The following ARMH1 variants were observed in gnomAD, a reference collection of about 807,000 sequenced individuals.
ARMH1 encodes the protein armadillo like helical domain containing 1, also known as armadillo-like helical domain containing protein 1.
ARMH1 carries 34 observed loss-of-function variants against 50.2 expected under a neutral mutation model. The observed-to-expected ratio is 0.68, with a 90% CI of 0.51 to 0.90. ARMH1 has a LOEUF of 0.90. Ranked by LOEUF, ARMH1 falls within the 40% of genes least tolerant of loss-of-function variation. ARMH1 has a pLI of 0.00. For missense variants in ARMH1, 538 were observed against 553.9 expected, an observed-to-expected ratio of 0.97 and a Z score of 0.29; for synonymous variants, 221 against 224.2, an observed-to-expected ratio of 0.99 and a Z score of 0.13.
At chr1:44,692,641 T>G (rs1645696243) in intron 2 of ARMH1, among the ~76,000 whole-genome samples, 1 of 152,160 alleles carries the variant, frequency 6.6e-6, no homozygotes, top group Non-Finnish European at 1.5e-5. Flanking sequence ...TTTAAGTTAT[T>G]GATAAAATTA....
At chr1:44,699,575 A>G (rs953947044) in intron 4 of ARMH1, among the ~76,000 whole-genome samples, 4 of 149,252 alleles carry the variant, frequency 2.7e-5, no homozygotes, top group African/African-American at 9.9e-5. Flanking sequence ...TTAGCCTCCC[A>G]AGTAGCTGGA....
rs1645308117 is a variant in ARMH1, at chr1:44,681,328, T to G, written c.-23+6455T>G. Among the ~76,000 whole-genome samples the G allele has an allele frequency of 6.6e-6, 1 of 151,968 alleles. No homozygotes were observed. Among genetic ancestry groups the G allele is most frequent in the Non-Finnish European group, 1.5e-5 (1 of 68,006 alleles). On this transcript the variant is annotated intron_variant, in intron 1 of 11. Coordinates refer to ENST00000535358, the MANE Select transcript of ARMH1 (RefSeq NM_001145636.2). This position sits in a 1 kb window ranked among gnomAD's most constrained non-coding sequence, Gnocchi z 4.3. ...CCATTTCTAAAAAATTTTTTTAAGTTAGCCAGGCATGGTGGTGCACACCCA... is the reference window on the plus strand; with the variant it reads ...CCATTTCTAAAAAATTTTTTTAAGTGAGCCAGGCATGGTGGTGCACACCCA...
chr1:44,685,714 A>C (rs1186104625), intron 1 of ARMH1, among the ~76,000 whole-genome samples: 1 of 150,258 alleles, frequency 6.7e-6, no homozygotes, highest in African/African-American at 2.5e-5. Context: ...TGCAACCTCC[A>C]CATCCTGGGT....
chr1:44,707,062 T>C (rs993059695), intron 6 of ARMH1, among the ~76,000 whole-genome samples: 5 of 152,032 alleles, frequency 3.3e-5, no homozygotes, highest in African/African-American at 1.2e-4. Flanking sequence ...ATGTCAGCCC[T>C]TCTTCCTTTG....
rs1456265275 is a variant in ARMH1 at position 44,697,090 on chromosome 1, C to G, written c.207-12C>G. 6.5e-7 allele frequency: 1 copy of G among 1,546,142 alleles called. No homozygotes were observed. The highest frequency in any genetic ancestry group is 2.0e-5 in the Admixed American group (1 of 50,984). On this transcript the variant is annotated splice_polypyrimidine_tract_variant and intron_variant, in intron 2 of 11. Transcript: ENST00000535358. ...AACCACCCTGAAACTCACTCTTTAA[C>G]GTGTCATACAGCTATATGACTGACT...
intron 4 of ARMH1, among the ~76,000 whole-genome samples, chr1:44,700,047 C>T (rs1156674218): frequency 6.6e-6 from 1 of 151,988 alleles, no homozygotes; most frequent in Non-Finnish European, 1.5e-5. Flanking sequence ...CCAGGCTGGT[C>T]TCGAACTCCT....
rs149235275 is a variant in ARMH1 at position 44,686,414 on chromosome 1, G to T, written c.-22-3262G>T. Among the ~76,000 whole-genome samples the T allele has an allele frequency of 9.8e-5, 15 of 152,290 alleles. No individual in the cohort carries two copies. In the East Asian group the frequency reaches 2.9e-3, roughly 29 times the overall value. The stretch of plus-strand genomic sequence containing the variant: ...TAACCTGCCGGGCACAGTGGCTCAC[G>T]CCTGTAATCCCAGCACTTTGGGAGG... On this transcript the variant is annotated intron_variant, in intron 1 of 11. Transcript: ENST00000535358.
At chr1:44,688,399 A>C (rs78505449) in intron 1 of ARMH1, 3 of 152,238 alleles carry the variant, frequency 2.0e-5, no homozygotes, top group African/African-American at 7.2e-5. Context: ...GGCCCCATCA[A>C]TATCTCAAAT....
chr1:44,696,356 C>T (rs1383852737), intron 2 of ARMH1, among the ~76,000 whole-genome samples: 1 of 152,184 alleles, frequency 6.6e-6, no homozygotes, highest in Non-Finnish European at 1.5e-5. Flanking sequence ...CTCAGTCATC[C>T]TCCATGAGCT....
intron 5 of ARMH1, 109 bp downstream of exon 5, chr1:44,701,228 C>T (rs1646068373): frequency 9.4e-7 from 1 of 1,063,422 alleles, no homozygotes; most frequent in Non-Finnish European, 1.3e-6. Flanking sequence ...CTCAGCCTCC[C>T]ACTGCATGTC....
At chr1:44,718,491 C>T (rs763565343) in intron 6 of ARMH1, among the ~76,000 whole-genome samples, 8 of 152,242 alleles carry the variant, frequency 5.3e-5, no homozygotes, top group Non-Finnish European at 1.0e-4. Context: ...CAGAGATGTC[C>T]GGTCTGCCAT....
At chr1:44,690,341 TA>T (rs60255533) in intron 2 of ARMH1, among the ~76,000 whole-genome samples, 4,807 of 149,912 alleles carry the variant, frequency 0.032, 257 homozygotes, top group African/African-American at 0.11. Flanking sequence ...AAAAAAGTGA[TA>T]AAAAAAAAAT....
chr1:44,724,404 G>A lies in ARMH1; in HGVS notation c.920+12G>A, dbSNP rs986773653. On this transcript the variant is annotated intron_variant, in intron 8 of 11. Transcript: ENST00000535358. The surrounding 1 kb of genome is among the most constrained non-coding windows in gnomAD (Gnocchi z 6.4). The stretch of plus-strand genomic sequence containing the variant: ...GCCAAGGCCATCGGGTAAGCGGGCA[G>A]GGGTTAGTGGGTAGCTGCAGCAAGC... 9 of 1,548,000 alleles carry A rather than the reference G, an allele frequency of 5.8e-6. No homozygotes were observed. Among genetic ancestry groups the A allele is most frequent in the African/African-American group, 1.4e-5 (1 of 73,110 alleles).
chr1:44,724,440 G>T lies in ARMH1; in HGVS notation c.920+48G>T. ...GTAGCTGCAGCAAGCCTGGCTTGGC[G>T]CTGCCGGCGGGCCCCGGGAGCGCTC... On this transcript the variant is annotated intron_variant, in intron 8 of 11. Coordinates refer to ENST00000535358, the MANE Select transcript of ARMH1 (RefSeq NM_001145636.2). The surrounding 1 kb of genome is among the most constrained non-coding windows in gnomAD (Gnocchi z 6.4). The T allele has an allele frequency of 6.5e-7, 1 of 1,537,174 alleles. No homozygotes were observed. The highest frequency in any genetic ancestry group is 8.8e-7 in the Non-Finnish European group (1 of 1,142,354).
In ARMH1 at chr1:44,698,097, G is replaced by A; in HGVS notation, c.310G>A (p.Gly104Ser). ...CCTTATAGAATTTCTTGAGGTTGGA[G>A]GTGTCCTAACCCTCTTGGAAATACT... Reference protein sequence around the residue: ...RYLIEFLEVGGVLTLLEILGL... With the variant: ...RYLIEFLEVGSVLTLLEILGL... Residue 104 changes from glycine (G) to serine (S), a missense_variant, in exon 4 of 12, where the codon GGT becomes AGT. Physicochemically the swap from Gly to Ser is moderately conservative, Grantham distance 56. Transcript: ENST00000535358. 1 of 1,551,492 alleles carries A rather than the reference G, an allele frequency of 6.4e-7. No homozygotes were observed. Among genetic ancestry groups the A allele is most frequent in the Non-Finnish European group, 8.7e-7 (1 of 1,146,634 alleles).
chr1:44,700,016 G>A (rs912570362), intron 4 of ARMH1, among the ~76,000 whole-genome samples: 10 of 151,586 alleles, frequency 6.6e-5, no homozygotes, highest in Non-Finnish European at 2.9e-5. Flanking sequence ...TTTTAATACA[G>A]ACAGGGTTTC....
chr1:44,704,200 G>C, intron 6 of ARMH1, 27 bp downstream of exon 6: 1 of 1,512,868 alleles, frequency 6.6e-7, no homozygotes. Flanking sequence ...TTGCAGAAGG[G>C]GGCACCGAGA....
intron 1 of ARMH1, among the ~76,000 whole-genome samples, chr1:44,680,456 A>C (rs1397995620): frequency 6.6e-6 from 1 of 152,146 alleles, no homozygotes; most frequent in Non-Finnish European, 1.5e-5. Flanking sequence ...TTATTGGCGT[A>C]AGCCACTGCG....
chr1:44,704,242 T>G, intron 6 of ARMH1, 69 bp downstream of exon 6: 1 of 1,198,960 alleles, frequency 8.3e-7, no homozygotes, highest in Non-Finnish European at 1.2e-6. Flanking sequence ...AAGCTTTCTC[T>G]TAGTCACAAA....
Sources: gnomAD v4.1 joint callset for allele counts (sites outside exome capture counted in the v4.1 genomes callset) on GRCh38, gnomAD v4.1.1 for gene constraint, Gnocchi (gnomAD v3.1) non-coding constraint, MANE v1.5 for transcripts, NCBI Gene and HGNC (gene_info 2026-07-23, HGNC 2026-07-21) for gene names.